Variants in ADGRL4 observed in about 807,000 individuals in gnomAD.
The protein encoded by ADGRL4 is adhesion G protein-coupled receptor L4.
ADGRL4 carries 90 observed loss-of-function variants against 74.8 expected under a neutral mutation model. The ratio of observed to expected loss-of-function variants is 1.20; its 90% confidence interval spans 1.02 to 1.43. The LOEUF (loss-of-function observed/expected upper bound fraction) is 1.43. ADGRL4 is among the 40% of genes most tolerant of loss of function. The probability of loss-of-function intolerance (pLI) is 0.00; values close to 1 mark genes in which losing one functional copy is unlikely to be tolerated. For synonymous variants in ADGRL4, 311 were observed against 279.2 expected (o/e 1.11, Z -1.14); for missense variants, 881 against 814.3 (o/e 1.08, Z -1.00).
intron 12 of ADGRL4, among the ~76,000 whole-genome samples, chr1:78,904,778 A>C (rs887460440): frequency 6.6e-6 from 1 of 152,050 alleles, no homozygotes; most frequent in African/African-American, 2.4e-5. Context: ...TTGCGTGTAA[A>C]ATGTGGATAG....
chr1:78,981,600 C>T (rs1570270105), intron 2 of ADGRL4, among the ~76,000 whole-genome samples: 1 of 151,934 alleles, frequency 6.6e-6, no homozygotes, highest in East Asian at 1.9e-4. Context: ...CATTGATGAT[C>T]ATTTTACCTT....
chr1:78,914,804 C>T (rs1245430732), intron 12 of ADGRL4, among the ~76,000 whole-genome samples: 1 of 151,770 alleles, frequency 6.6e-6, no homozygotes, highest in Non-Finnish European at 1.5e-5. Flanking sequence ...TGGTCTTCTA[C>T]TGCTAGGGAT....
Position 78,964,207 on chromosome 1 carries a change from T to C in ADGRL4, c.173-17781A>G, listed in dbSNP as rs189638589. 4.5e-3 allele frequency among the ~76,000 whole-genome samples: 687 copies of C among 152,314 alleles called. 20 individuals carry two copies. Among genetic ancestry groups the C allele is most frequent in the Admixed American group, 0.04 (615 of 15,302 alleles). On this transcript the variant is annotated intron_variant, in intron 2 of 14. Transcript: ENST00000370742. ...AACTTTTGTCCAACTTGAAAATGAA[T>C]GCTCAATGAATGTTCAAGATCAGAG...
intron 2 of ADGRL4, among the ~76,000 whole-genome samples, chr1:78,976,445 A>G (rs962304497): frequency 6.6e-6 from 1 of 151,842 alleles, no homozygotes; most frequent in African/African-American, 2.4e-5. Flanking sequence ...ACAAAATAAA[A>G]TGAAAAAAAA....
chr1:78,948,190 T>C (rs1649649512), intron 2 of ADGRL4, among the ~76,000 whole-genome samples: 1 of 152,112 alleles, frequency 6.6e-6, no homozygotes, highest in Non-Finnish European at 1.5e-5. Context: ...GCATTTGACC[T>C]GATTTATTAC....
At position 78,985,462 on chromosome 1, in the gene ADGRL4, T is replaced by G. The variant is rs143447775; in HGVS notation, c.172+19608A>C. 5.9e-5 allele frequency among the ~76,000 whole-genome samples: 9 copies of G among 151,948 alleles called. No homozygotes were observed. In the East Asian group the frequency reaches 1.7e-3, roughly 29 times the overall value. ...GTATTTAGAAACAAAAGCATAGAGT[T>G]TATTACTTATTTGATCAATTTAAGA... On this transcript the variant is annotated intron_variant, in intron 2 of 14. Coordinates refer to ENST00000370742, the MANE Select transcript of ADGRL4 (RefSeq NM_022159.4).
At chr1:78,959,601 G>T (rs1649904427) in intron 2 of ADGRL4, among the ~76,000 whole-genome samples, 1 of 152,188 alleles carries the variant, frequency 6.6e-6, no homozygotes, top group African/African-American at 2.4e-5. Flanking sequence ...TGGACTGGTG[G>T]ACTGCCTGAT....
At chr1:78,906,542 A>G (rs1006667561) in intron 12 of ADGRL4, among the ~76,000 whole-genome samples, 2 of 152,028 alleles carry the variant, frequency 1.3e-5, no homozygotes, top group African/African-American at 4.8e-5. Flanking sequence ...ATAAAGGTGA[A>G]GGAGAACAAC....
chr1:78,956,606 A>G (rs1649834720), intron 2 of ADGRL4, among the ~76,000 whole-genome samples: 1 of 152,186 alleles, frequency 6.6e-6, no homozygotes, highest in African/African-American at 2.4e-5. Context: ...TTTAAAATCT[A>G]TTATGCAAAA....
At chr1:78,945,311 T>C (rs1303119067) in intron 3 of ADGRL4, among the ~76,000 whole-genome samples, 1 of 151,742 alleles carries the variant, frequency 6.6e-6, no homozygotes, top group Admixed American at 6.6e-5. Flanking sequence ...CTATGTTGCA[T>C]GTAGGTTCCT....
chr1:78,948,273 T>C (rs186919457), intron 2 of ADGRL4, among the ~76,000 whole-genome samples: 39 of 152,240 alleles, frequency 2.6e-4, no homozygotes, highest in African/African-American at 7.2e-4. Context: ...CTTTGAGATA[T>C]GAAAGAACAA....
rs75236825 is a variant in ADGRL4, at chr1:78,930,789, G to A, written c.878-3698C>T. 1.3e-3 allele frequency among the ~76,000 whole-genome samples: 203 copies of A among 151,264 alleles called. 9 individuals carry two copies. The highest frequency in any genetic ancestry group is 4.5e-3 in the African/African-American group (183 of 40,716). ...CTTTTTAGAAGAATCAGCTTTTAGC[G>A]GTTCTGTACTGTCTGCTGATGGACA... On this transcript the variant is annotated intron_variant, in intron 7 of 14. Coordinates refer to ENST00000370742, the MANE Select transcript of ADGRL4 (RefSeq NM_022159.4).
chr1:78,936,545 C>T lies in ADGRL4; in HGVS notation c.761-134G>A, dbSNP rs565070831. ...ATTTATAACAAGTAGAGTGAACATT[C>T]TTAATGTGTTTGGACAATGTAATGT... is the stretch of plus-strand genomic sequence containing the variant. On this transcript the variant is annotated intron_variant, in intron 6 of 14. Coordinates refer to ENST00000370742, the MANE Select transcript of ADGRL4 (RefSeq NM_022159.4). 1.6e-4 allele frequency: 136 copies of T among 828,890 alleles called. No individual in the cohort carries two copies. The African/African-American group carries it at 2.2e-3, about 14-fold the overall frequency. The allele number at this position is 828,890 out of a possible 1,614,324, so 51.3% of individuals were successfully genotyped here. A position where few individuals can be genotyped will look rare whatever the true frequency, so the allele number is the denominator to read the frequency against.
chr1:78,986,427 CTGTCTCCA>C (rs1053536099), intron 2 of ADGRL4, among the ~76,000 whole-genome samples: 2 of 151,420 alleles, frequency 1.3e-5, no homozygotes, highest in Non-Finnish European at 3.0e-5. Flanking sequence ...GAGTCAGACC[CTGTCTCCA>C]TGAAATACAA....
intron 2 of ADGRL4, among the ~76,000 whole-genome samples, chr1:78,963,646 A>G (rs1027827001): frequency 1.3e-5 from 2 of 152,182 alleles, no homozygotes; most frequent in Admixed American, 6.6e-5. Flanking sequence ...ATGCTACAGA[A>G]ATATTATCAT....
At chr1:78,945,322 G>C (rs1372304582) in intron 3 of ADGRL4, among the ~76,000 whole-genome samples, 1 of 151,626 alleles carries the variant, frequency 6.6e-6, no homozygotes, top group African/African-American at 2.4e-5. Flanking sequence ...GTAGGTTCCT[G>C]AATTCTAGTC....
intron 12 of ADGRL4, among the ~76,000 whole-genome samples, chr1:78,917,352 TAGCTTTGAATTTAAA>T (rs1648896462): frequency 1.3e-5 from 2 of 151,640 alleles, no homozygotes; most frequent in African/African-American, 4.8e-5. Flanking sequence ...TGAATTGTAA[TAGCTTTGAATTTAAA>T]AGCTATACAT....
At chr1:78,916,807 C>T (rs1288493223) in intron 12 of ADGRL4, among the ~76,000 whole-genome samples, 1 of 151,906 alleles carries the variant, frequency 6.6e-6, no homozygotes, top group Non-Finnish European at 1.5e-5. Flanking sequence ...GCCATAACTT[C>T]TCTACTGACA....
chr1:78,910,349 AGGT>A (rs1197265017), intron 12 of ADGRL4, among the ~76,000 whole-genome samples: 2 of 151,840 alleles, frequency 1.3e-5, no homozygotes, highest in African/African-American at 4.8e-5. Flanking sequence ...GGACAATTAG[AGGT>A]TACAACAAAA....
Sources: allele counts gnomAD v4.1 joint callset (sites outside exome capture counted in the v4.1 genomes callset), GRCh38; gene constraint gnomAD v4.1.1; transcripts MANE v1.5; gene names NCBI Gene and HGNC (gene_info 2026-07-23, HGNC 2026-07-21).